ZNF804A: variants seen among roughly 807,000 people sequenced by gnomAD.
The protein encoded by ZNF804A is zinc finger protein 804A.
In ZNF804A, 2 loss-of-function variants were observed where a neutral mutation model predicts 16.5. The ratio of observed to expected loss-of-function variants is 0.12; its 90% CI spans 0.05 to 0.38. The LOEUF is 0.38. Among genes scored for constraint, ZNF804A ranks in the 10% least tolerant of loss-of-function variants. ZNF804A has a pLI of 0.99. For missense variants in ZNF804A, 1,473 were observed against 1,390.7 expected (o/e 1.06, Z -0.94); for synonymous variants, 534 against 489.6 (o/e 1.09, Z -1.20).
intron 1 of ZNF804A, among the ~76,000 whole-genome samples, chr2:184,730,033 A>C (rs1014736594): frequency 6.6e-6 from 1 of 152,156 alleles, no homozygotes; most frequent in Non-Finnish European, 1.5e-5. Flanking sequence ...ACTACTATTA[A>C]TATAACTACT....
chr2:184,799,559 G>C (rs1558965207), intron 1 of ZNF804A, among the ~76,000 whole-genome samples: 1 of 151,892 alleles, frequency 6.6e-6, no homozygotes, highest in African/African-American at 2.4e-5. Flanking sequence ...TTTCACTCCT[G>C]TTGCCCAAGC....
chr2:184,834,139 T>C lies in ZNF804A; in HGVS notation c.112-32230T>C, dbSNP rs141828999. Among the ~76,000 whole-genome samples, 327 of 152,206 alleles carry C rather than the reference T, an allele frequency of 2.1e-3. 1 individual carries two copies. The highest frequency in any genetic ancestry group is 6.8e-3 in the Middle Eastern group (2 of 294). On this transcript the variant is annotated intron_variant, in intron 1 of 3. Coordinates refer to ENST00000302277, the MANE Select transcript of ZNF804A (RefSeq NM_194250.2). The stretch of plus-strand genomic sequence containing the variant: ...TTTGCATTATATTATAAAAATACTT[T>C]TTATCTCCATGATTTATTTACATGC...
At chr2:184,644,599 T>C (rs1691843766) in intron 1 of ZNF804A, among the ~76,000 whole-genome samples, 1 of 151,966 alleles carries the variant, frequency 6.6e-6, no homozygotes, top group Non-Finnish European at 1.5e-5. Flanking sequence ...TTAAATCTTA[T>C]ACTAATGTTT....
At position 184,937,618 on chromosome 2, in the gene ZNF804A, T is replaced by C. The variant is rs1364878089; in HGVS notation, c.2222T>C (p.Leu741Pro). Residue 741 changes from leucine to proline, a missense_variant, in exon 4 of 4, where the codon CTT (leucine) becomes CCT (proline). Physicochemically the swap from Leu to Pro is moderately conservative, Grantham distance 98. Transcript: ENST00000302277. Reference sequence around the variant, plus strand: ...AGTCAGGATCACAGAAGCTTAGTTCTTCAAAATGATATGAAACACATGAGT... The same window carrying C: ...AGTCAGGATCACAGAAGCTTAGTTCCTCAAAATGATATGAAACACATGAGT... ...SCSQDHRSLV[L>P]QNDMKHMSQN... 17 of 1,613,670 alleles carry C rather than the reference T, an allele frequency of 1.1e-5. No homozygotes were observed. Among genetic ancestry groups the C allele is most frequent in the Non-Finnish European group, 1.4e-5 (17 of 1,179,922 alleles).
intron 1 of ZNF804A, among the ~76,000 whole-genome samples, chr2:184,674,667 A>G (rs1181397532): frequency 6.6e-6 from 1 of 151,820 alleles, no homozygotes; most frequent in South Asian, 2.1e-4. Context: ...GCATCACTGG[A>G]GGATATATAA....
chr2:184,796,463 T>G (rs1227737841), intron 1 of ZNF804A, among the ~76,000 whole-genome samples: 1 of 152,178 alleles, frequency 6.6e-6, no homozygotes, highest in Non-Finnish European at 1.5e-5. Flanking sequence ...GAGGGCTGTA[T>G]TTTTCCAGGA....
chr2:184,758,622 A>T (rs181552930), intron 1 of ZNF804A, among the ~76,000 whole-genome samples: 1 of 151,990 alleles, frequency 6.6e-6, no homozygotes, highest in African/African-American at 2.4e-5. Context: ...TTTGTAGAAG[A>T]CATCATCAAA....
At chr2:184,758,963 G>T (rs1011308386) in intron 1 of ZNF804A, among the ~76,000 whole-genome samples, 1 of 151,620 alleles carries the variant, frequency 6.6e-6, no homozygotes, top group African/African-American at 2.4e-5. Flanking sequence ...TTTGTCAGGA[G>T]ATACATACCT....
intron 1 of ZNF804A, among the ~76,000 whole-genome samples, chr2:184,677,852 T>A (rs1354757375): frequency 6.6e-6 from 1 of 152,028 alleles, no homozygotes; most frequent in Non-Finnish European, 1.5e-5. Context: ...ATATAATTTT[T>A]ATCCTGTTTC....
chr2:184,898,409 A>T (rs1372412572), intron 2 of ZNF804A, among the ~76,000 whole-genome samples: 1 of 152,024 alleles, frequency 6.6e-6, no homozygotes, highest in Non-Finnish European at 1.5e-5. Flanking sequence ...AAATTACATC[A>T]CCTGCTTGTG....
chr2:184,937,590 T>G lies in ZNF804A; in HGVS notation c.2194T>G (p.Cys732Gly). 6.2e-7 allele frequency: 1 copy of G among 1,613,292 alleles called. No homozygotes were observed. Among genetic ancestry groups the G allele is most frequent in the Non-Finnish European group, 8.5e-7 (1 of 1,179,774 alleles). ...YCCWKTKMSS[C>G]SQDHRSLVLQ... Reference sequence around the variant, plus strand: ...TTGTTGGAAAACCAAAATGTCAAGCTGTAGTCAGGATCACAGAAGCTTAGT... The same window carrying G: ...TTGTTGGAAAACCAAAATGTCAAGCGGTAGTCAGGATCACAGAAGCTTAGT... Residue 732 changes from cysteine to glycine, a missense_variant, in exon 4 of 4, where the codon TGT (cysteine) becomes GGT (glycine). Transcript: ENST00000302277.
intron 1 of ZNF804A, among the ~76,000 whole-genome samples, chr2:184,850,626 A>T (rs1217360942): frequency 6.6e-6 from 1 of 151,618 alleles, no homozygotes; most frequent in East Asian, 1.9e-4. Context: ...TTAAGAACTT[A>T]TAATGAAATT....
chr2:184,909,336 T>C (rs1685323178), intron 2 of ZNF804A, among the ~76,000 whole-genome samples: 1 of 152,066 alleles, frequency 6.6e-6, no homozygotes, highest in Non-Finnish European at 1.5e-5. Context: ...TTACATGCAT[T>C]TTAAAATAAT....
chr2:184,919,310 C>T (rs1685496411), intron 2 of ZNF804A, among the ~76,000 whole-genome samples: 1 of 152,172 alleles, frequency 6.6e-6, no homozygotes, highest in South Asian at 2.1e-4. Context: ...GGGAATAGTG[C>T]TGTATCAGGG....
chr2:184,729,251 CAT>C (rs756257390), intron 1 of ZNF804A, among the ~76,000 whole-genome samples: 43 of 151,414 alleles, frequency 2.8e-4, no homozygotes, highest in South Asian at 2.7e-3. Context: ...TTCTACAATG[CAT>C]ATATATATAT....
At chr2:184,747,567 T>C (rs1693809484) in intron 1 of ZNF804A, among the ~76,000 whole-genome samples, 1 of 151,220 alleles carries the variant, frequency 6.6e-6, no homozygotes. Context: ...AAAAAGAGAA[T>C]ATATGTTTTA....
intron 1 of ZNF804A, among the ~76,000 whole-genome samples, chr2:184,735,961 A>G (rs1693599908): frequency 1.3e-5 from 2 of 152,350 alleles, no homozygotes; most frequent in Admixed American, 1.3e-4. Context: ...ATTTATTTTT[A>G]TATTTCATTG....
intron 1 of ZNF804A, among the ~76,000 whole-genome samples, chr2:184,676,898 A>T (rs1692445255): frequency 6.6e-6 from 1 of 151,784 alleles, no homozygotes; most frequent in Non-Finnish European, 1.5e-5. Flanking sequence ...AAAAATATAA[A>T]TGTAAATAGG....
intron 1 of ZNF804A, among the ~76,000 whole-genome samples, chr2:184,603,101 T>G (rs994271764): frequency 1.3e-5 from 2 of 152,168 alleles, no homozygotes; most frequent in Non-Finnish European, 2.9e-5. Context: ...ATTTCTAATA[T>G]ATGAAATACT....
Sources: allele counts gnomAD v4.1 joint callset (sites outside exome capture counted in the v4.1 genomes callset), GRCh38; gene constraint gnomAD v4.1.1; transcripts MANE v1.5; gene names NCBI Gene and HGNC (gene_info 2026-07-23, HGNC 2026-07-21).